The following DSCAM variants were observed in gnomAD, a reference collection of about 807,000 sequenced individuals.
DSCAM encodes DS cell adhesion molecule.
A neutral mutation model predicts 217.7 loss-of-function variants in DSCAM; 47 were observed. The ratio of observed to expected loss-of-function variants is 0.22; its 90% CI spans 0.17 to 0.28. DSCAM has a LOEUF of 0.28. Among genes scored for constraint, DSCAM ranks in the 10% least tolerant of loss-of-function variants. The pLI is 1.00. For missense variants in DSCAM, 2,080 were observed against 2,618.3 expected, an observed-to-expected ratio of 0.79 and a Z score of 4.49; for synonymous variants, 1,056 against 1,015.3, an observed-to-expected ratio of 1.04 and a Z score of -0.76.
intron 20 of DSCAM, among the ~76,000 whole-genome samples, chr21:40,098,997 A>G (rs1452194549): frequency 6.6e-6 from 1 of 152,206 alleles, no homozygotes; most frequent in Non-Finnish European, 1.5e-5. Flanking sequence ...CTGAGACTGT[A>G]TGTACTTGCA....
At chr21:40,645,771 T>C (rs1475909273) in intron 3 of DSCAM, among the ~76,000 whole-genome samples, 1 of 152,222 alleles carries the variant, frequency 6.6e-6, no homozygotes, top group African/African-American at 2.4e-5. Context: ...ACAATTATTT[T>C]ACCATATTCA....
At position 40,099,453 on chromosome 21, in the gene DSCAM, T is replaced by C. The variant is rs2089723329; in HGVS notation, c.3697-5579A>G. On this transcript the variant is annotated intron_variant, in intron 20 of 32. Transcript: ENST00000400454. ...GCTCCTATTGGTTATTTGGGTAAGTTAGTTACACTGATGTCACCACCCTTT... is the reference window on the plus strand; with the variant it reads ...GCTCCTATTGGTTATTTGGGTAAGTCAGTTACACTGATGTCACCACCCTTT... Among the ~76,000 whole-genome samples the C allele has an allele frequency of 1.3e-5, 2 of 152,196 alleles. 1 individual carries two copies. The highest frequency in any genetic ancestry group is 4.1e-4 in the South Asian group (2 of 4,832).
chr21:40,247,709 C>T (rs115050686), intron 11 of DSCAM, among the ~76,000 whole-genome samples: 2,035 of 152,292 alleles, frequency 0.013, 53 homozygotes, highest in African/African-American at 0.046. Flanking sequence ...GCACATGATG[C>T]AAACTGTCAG....
At chr21:40,736,983 C>G (rs561122224) in intron 1 of DSCAM, among the ~76,000 whole-genome samples, 12 of 152,168 alleles carry the variant, frequency 7.9e-5, no homozygotes, top group Admixed American at 6.5e-4. Context: ...ATAGAAAATA[C>G]TTAAGATAAA....
At chr21:40,503,610 T>TCCAG (rs1438987128) in intron 3 of DSCAM, among the ~76,000 whole-genome samples, 9 of 152,336 alleles carry the variant, frequency 5.9e-5, no homozygotes, top group African/African-American at 1.9e-4. Flanking sequence ...TTCAGTGGGT[T>TCCAG]ACCTTACCTC....
chr21:40,397,684 CA>C (rs1211433113), intron 3 of DSCAM, among the ~76,000 whole-genome samples: 1 of 152,062 alleles, frequency 6.6e-6, no homozygotes, highest in Non-Finnish European at 1.5e-5. Flanking sequence ...GCAACACTAC[CA>C]ATACTACTGT....
chr21:40,743,309 T>C (rs1220621098), intron 1 of DSCAM, among the ~76,000 whole-genome samples: 1 of 152,196 alleles, frequency 6.6e-6, no homozygotes, highest in African/African-American at 2.4e-5. Context: ...CAATACCATC[T>C]TGCCCAAAAT....
chr21:40,808,282 G>T (rs2091805822), intron 1 of DSCAM, among the ~76,000 whole-genome samples: 1 of 152,036 alleles, frequency 6.6e-6, no homozygotes, highest in Non-Finnish European at 1.5e-5. Flanking sequence ...GCCCAAAAAT[G>T]CCCACTGAAG....
At chr21:40,807,013 A>G (rs1277864311) in intron 1 of DSCAM, among the ~76,000 whole-genome samples, 2 of 152,142 alleles carry the variant, frequency 1.3e-5, no homozygotes, top group Non-Finnish European at 2.9e-5. Context: ...AACGTAGATG[A>G]TGGGTTGATG....
intron 20 of DSCAM, among the ~76,000 whole-genome samples, chr21:40,095,196 G>C (rs11701562): frequency 6.6e-6 from 1 of 151,972 alleles, no homozygotes; most frequent in Non-Finnish European, 1.5e-5. Flanking sequence ...TTATATCTCA[G>C]GAGACTTATT....
At chr21:40,033,539 T>A (rs112809847) in intron 32 of DSCAM, among the ~76,000 whole-genome samples, 1 of 148,890 alleles carries the variant, frequency 6.7e-6, no homozygotes, top group South Asian at 2.1e-4. Flanking sequence ...CACTGAGTCT[T>A]GCTGATTGCT....
chr21:40,601,271 T>G (rs1382915008), intron 3 of DSCAM, among the ~76,000 whole-genome samples: 3 of 152,218 alleles, frequency 2.0e-5, no homozygotes, highest in Non-Finnish European at 4.4e-5. Context: ...GGTTTTTTGG[T>G]GCTAATAGAA....
chr21:40,248,514 T>C (rs2073258375), intron 11 of DSCAM, among the ~76,000 whole-genome samples: 2 of 152,168 alleles, frequency 1.3e-5, no homozygotes, highest in Admixed American at 1.3e-4. Flanking sequence ...ATATTATAAG[T>C]GTCACCTTTG....
chr21:40,118,597 A>G (rs187802585), intron 20 of DSCAM, among the ~76,000 whole-genome samples: 7 of 152,234 alleles, frequency 4.6e-5, no homozygotes, highest in Admixed American at 3.3e-4. Flanking sequence ...AAACAAACAA[A>G]CAACAAAAAA....
At chr21:40,308,760 T>A (rs534463988) in intron 9 of DSCAM, among the ~76,000 whole-genome samples, 1 of 152,302 alleles carries the variant, frequency 6.6e-6, no homozygotes, top group Middle Eastern at 3.4e-3. Context: ...TAGACCAATT[T>A]TATAGTTGGT....
chr21:40,296,071 C>G lies in DSCAM; in HGVS notation c.2166G>C (p.Val722=), dbSNP rs755918410. 1 of 1,613,758 alleles carries G rather than the reference C, an allele frequency of 6.2e-7. No homozygotes were observed. Among genetic ancestry groups the G allele is most frequent in the South Asian group, 1.1e-5 (1 of 91,020 alleles). ...SAEGYPVPTI[V]WKFSKGAGVP... is the part of the protein sequence containing the mutation. ...ACTCCATACCTTTAGAGAATTTCCA[C>G]ACGATGGTAGGTACAGGGTAACCCT... Residue 722 remains valine, a synonymous_variant, in exon 10 of 33, where the codon GTG becomes GTC. Coordinates refer to ENST00000400454, the MANE Select transcript of DSCAM (RefSeq NM_001389.5).
chr21:40,813,414 T>A (rs2091855290), intron 1 of DSCAM, among the ~76,000 whole-genome samples: 1 of 152,218 alleles, frequency 6.6e-6, no homozygotes. Flanking sequence ...TATTTGGCAC[T>A]TTCAGGCTTT....
intron 15 of DSCAM, among the ~76,000 whole-genome samples, chr21:40,178,096 G>C (rs77020434): frequency 6.6e-6 from 1 of 152,192 alleles, no homozygotes; most frequent in Non-Finnish European, 1.5e-5. Flanking sequence ...AAACCCAAGC[G>C]CAGTGGCTTC....
At chr21:40,121,036 AT>A (rs1045543000) in intron 20 of DSCAM, among the ~76,000 whole-genome samples, 3 of 152,190 alleles carry the variant, frequency 2.0e-5, no homozygotes, top group Admixed American at 6.5e-5. Context: ...GTCCTGATTT[AT>A]CCCCCTATGT....
Sources: gnomAD v4.1 joint callset for allele counts (sites outside exome capture counted in the v4.1 genomes callset) on GRCh38, gnomAD v4.1.1 for gene constraint, MANE v1.5 for transcripts, NCBI Gene and HGNC (gene_info 2026-07-23, HGNC 2026-07-21) for gene names.